The following OR10K2 variants were observed in gnomAD, a reference collection of about 807,000 sequenced individuals.
OR10K2 encodes olfactory receptor family 10 subfamily K member 2, also known as olfactory receptor 10K2.
For synonymous variants in OR10K2, 169 were observed against 146.4 expected, an observed-to-expected ratio of 1.15 and a Z score of -1.11; for missense variants, 401 against 367.1, an observed-to-expected ratio of 1.09 and a Z score of -0.76.
intron 1 of OR10K2, among the ~76,000 whole-genome samples, chr1:158,421,479 A>C (rs1410539229): frequency 1.3e-5 from 2 of 152,082 alleles, no homozygotes; most frequent in East Asian, 3.9e-4. Context: ...TCCTGGTCCC[A>C]AAGTGGAAAA....
In OR10K2 at chr1:158,420,905, G is replaced by C; in HGVS notation, c.-39C>G. 6.4e-7 allele frequency: 1 copy of C among 1,568,848 alleles called. No individual in the cohort carries two copies. Among genetic ancestry groups the C allele is most frequent in the Non-Finnish European group, 8.7e-7 (1 of 1,152,968 alleles). On this transcript the variant is annotated 5_prime_UTR_variant, in exon 2 of 2. Transcript: ENST00000641042. Reference sequence around the variant, plus strand: ...TCAGGAGACAATTAGGGAGAGAAGAGGAGTCAGCACCAAAAGAAATCCCTG... The same window carrying C: ...TCAGGAGACAATTAGGGAGAGAAGACGAGTCAGCACCAAAAGAAATCCCTG...
intron 1 of OR10K2, among the ~76,000 whole-genome samples, chr1:158,424,267 A>G (rs1310687784): frequency 6.6e-6 from 1 of 152,084 alleles, no homozygotes; most frequent in Non-Finnish European, 1.5e-5. Context: ...GAAACAAGAC[A>G]CACTAATTAT....
In OR10K2 at chr1:158,420,108, G is replaced by A; in HGVS notation, c.759C>T (p.Gly253=). 1.2e-6 allele frequency: 2 copies of A among 1,613,738 alleles called. No individual in the cohort carries two copies. Among genetic ancestry groups the A allele is most frequent in the Non-Finnish European group, 1.7e-6 (2 of 1,179,854 alleles). ...SHLIIVTVHY[G]CASFIYLRPQ... is the part of the protein sequence containing the mutation. ...GCCTTAAGTAGATAAAGGAGGCACA[G>A]CCATAGTGGACAGTGACAATAATGA... The change falls in exon 2 of 2, where the codon GGC becomes GGT. Residue 253 remains glycine (G), a synonymous_variant. Transcript: ENST00000641042.
At chr1:158,421,084 C>T (rs190443859) in intron 1 of OR10K2, among the ~76,000 whole-genome samples, 157 bp from the exon 2 acceptor site, 1 of 152,054 alleles carries the variant, frequency 6.6e-6, no homozygotes, top group Admixed American at 6.6e-5. Context: ...CATAGTAGTT[C>T]TAACACCATA....
rs35350080 is a variant in OR10K2 at position 158,419,611 on chromosome 1, A to ATTTTTTTTTT, written c.*307_*316dup. On this transcript the variant is annotated 3_prime_UTR_variant, in exon 2 of 2. Transcript: ENST00000641042. ...ACGGTTTGGAAAGAGCAGAATCAAG[A>ATTTTTTTTTT]TTTTTTTTTTTTTTTTTTTTTGAGA... 8.0e-6 allele frequency: 1 copy of ATTTTTTTTTT among 124,328 alleles called. No homozygotes were observed. The highest frequency in any genetic ancestry group is 1.6e-5 in the Non-Finnish European group (1 of 61,372). The allele number at this position is 124,328 out of a possible 1,614,324, so 7.7% of individuals were successfully genotyped here.
chr1:158,423,167 C>T (rs1655190748), intron 1 of OR10K2, among the ~76,000 whole-genome samples: 1 of 151,420 alleles, frequency 6.6e-6, no homozygotes. Flanking sequence ...TCCTCAACCC[C>T]ATGAAAGGGG....
intron 1 of OR10K2, 75 bp downstream of exon 1, chr1:158,425,858 G>A (rs533605381): frequency 1.3e-5 from 2 of 152,194 alleles, no homozygotes; most frequent in East Asian, 1.9e-4. Flanking sequence ...ATTATTTGAT[G>A]TACTTTTAAT....
rs752940555 is a variant in OR10K2, at chr1:158,420,859, C to G, written c.8G>C (p.Arg3Pro). Residue 3 changes from arginine (R) to proline (P), a missense_variant, in exon 2 of 2, where the codon CGG becomes CCG. Arg to Pro is a moderately radical substitution (Grantham distance 103). Coordinates refer to ENST00000641042, the MANE Select transcript of OR10K2 (RefSeq NM_001004476.2). Reference protein sequence around the residue: MERVNETVVREVI... With the variant: MEPVNETVVREVI... The stretch of plus-strand genomic sequence containing the variant: ...CTCTCTCACCACAGTCTCATTGACC[C>G]GCTCCATGGAGCATACATCATCAGG... 1.9e-6 allele frequency: 3 copies of G among 1,612,684 alleles called. No individual in the cohort carries two copies. Among genetic ancestry groups the G allele is most frequent in the Non-Finnish European group, 2.5e-6 (3 of 1,179,404 alleles).
intron 1 of OR10K2, among the ~76,000 whole-genome samples, chr1:158,421,951 A>C (rs1557861413): frequency 6.6e-6 from 1 of 152,024 alleles, no homozygotes; most frequent in Non-Finnish European, 1.5e-5. Context: ...ACTTTTATTT[A>C]CAGATATTTT....
At position 158,420,401 on chromosome 1, in the gene OR10K2, C is replaced by G. The variant is rs1655127652; in HGVS notation, c.466G>C (p.Ala156Pro). 1.2e-6 allele frequency: 2 copies of G among 1,613,730 alleles called. No individual in the cohort carries two copies. Among genetic ancestry groups the G allele is most frequent in the African/African-American group, 2.7e-5 (2 of 74,900 alleles). Residue 156 changes from alanine (A) to proline (P), a missense_variant, in exon 2 of 2, where the codon GCA (alanine) becomes CCA (proline). By Grantham distance (27) the Ala-to-Pro change is conservative. Coordinates refer to ENST00000641042, the MANE Select transcript of OR10K2 (RefSeq NM_001004476.2). ...AAACACGFTV[A>P]QIITSLVFHL... ...AATACCAAGGATGTGATGATCTGTGCAACAGTGAAGCCACAGGCACAGGCA... is the reference window on the plus strand; with the variant it reads ...AATACCAAGGATGTGATGATCTGTGGAACAGTGAAGCCACAGGCACAGGCA...
In OR10K2 at chr1:158,419,945, T is replaced by G. The variant is rs757335791; in HGVS notation, c.922A>C (p.Thr308Pro). The change falls in exon 2 of 2, where the codon ACA becomes CCA. Residue 308 changes from threonine (T) to proline (P), a missense_variant. Transcript: ENST00000641042. The part of the protein sequence containing the change: ...KSALCKIVRR[T>P]ISLL ...GATTAATTTTACAACAGGGAAATTGTTCTTCTCACAATTTTACAAAGAGCT... is the reference window on the plus strand; with the variant it reads ...GATTAATTTTACAACAGGGAAATTGGTCTTCTCACAATTTTACAAAGAGCT... 6.2e-7 allele frequency: 1 copy of G among 1,609,994 alleles called. No individual in the cohort carries two copies. Among genetic ancestry groups the G allele is most frequent in the Non-Finnish European group, 8.5e-7 (1 of 1,177,692 alleles).
rs1655134252 is a variant in OR10K2, at chr1:158,420,587, A to G, written c.280T>C (p.Phe94Leu). The change falls in exon 2 of 2, where the codon TTC becomes CTC. Residue 94 changes from phenylalanine (F) to leucine (L), a missense_variant. Phe to Leu is a conservative substitution (Grantham distance 22, BLOSUM62 0). Coordinates refer to ENST00000641042, the MANE Select transcript of OR10K2 (RefSeq NM_001004476.2). ...AACATTTGGATGGCACAGCCCAGGA[A>G]AGAAATGGTCTTCTTCTGGGACAGC... ...DLLSQKKTIS[F>L]LGCAIQMFSF... The G allele has an allele frequency of 6.2e-7, 1 of 1,613,840 alleles. No individual in the cohort carries two copies. The highest frequency in any genetic ancestry group is 1.1e-5 in the South Asian group (1 of 91,084).
chr1:158,423,088 G>T (rs1223955314), intron 1 of OR10K2, among the ~76,000 whole-genome samples: 1 of 151,780 alleles, frequency 6.6e-6, no homozygotes, highest in Non-Finnish European at 1.5e-5. Context: ...AAGTACATTT[G>T]CTTCTCCTTG....
chr1:158,422,948 TTTTA>T (rs1655186855), intron 1 of OR10K2, among the ~76,000 whole-genome samples: 1 of 152,064 alleles, frequency 6.6e-6, no homozygotes, highest in Admixed American at 6.6e-5. Flanking sequence ...GATATGTATT[TTTTA>T]TTTATTTCTA....
chr1:158,424,793 C>G (rs1655219657), intron 1 of OR10K2, among the ~76,000 whole-genome samples: 1 of 148,364 alleles, frequency 6.7e-6, no homozygotes, highest in Non-Finnish European at 1.5e-5. Flanking sequence ...CACTCTCCTT[C>G]CAGATAAAGC....
Position 158,419,883 on chromosome 1 carries a change from A to G in OR10K2, c.*45T>C. On this transcript the variant is annotated 3_prime_UTR_variant, in exon 2 of 2. Coordinates refer to ENST00000641042, the MANE Select transcript of OR10K2 (RefSeq NM_001004476.2). The stretch of plus-strand genomic sequence containing the variant: ...TGTCTCAGCCTTCCAAAATGCTGGG[A>G]TTACAGTCGTGAGAAACTGCACCTG... The G allele has an allele frequency of 7.8e-6, 12 of 1,533,774 alleles. No individual in the cohort carries two copies. Among genetic ancestry groups the G allele is most frequent in the Non-Finnish European group, 1.1e-5 (12 of 1,125,716 alleles).
At chr1:158,421,368 A>T (rs1655154149) in intron 1 of OR10K2, among the ~76,000 whole-genome samples, 1 of 152,082 alleles carries the variant, frequency 6.6e-6, no homozygotes, top group South Asian at 2.1e-4. Context: ...TAGTCTCTCC[A>T]TAACTTAGAT....
chr1:158,422,663 A>G (rs12747451), intron 1 of OR10K2, among the ~76,000 whole-genome samples: 56,304 of 151,930 alleles, frequency 0.37, 11,533 homozygotes, highest in Non-Finnish European at 0.46. Flanking sequence ...AAAATTAATG[A>G]CAATGCATTT....
chr1:158,421,989 T>A (rs1386268036), intron 1 of OR10K2, among the ~76,000 whole-genome samples: 3 of 152,098 alleles, frequency 2.0e-5, no homozygotes, highest in Non-Finnish European at 2.9e-5. Flanking sequence ...TCCATTAAAA[T>A]CTACCTTTTT....
Sources: allele counts gnomAD v4.1 joint callset (sites outside exome capture counted in the v4.1 genomes callset), GRCh38; gene constraint gnomAD v4.1.1; transcripts MANE v1.5; gene names NCBI Gene and HGNC (gene_info 2026-07-23, HGNC 2026-07-21).